CACNA1C: variants seen among roughly 807,000 people sequenced by gnomAD.
The protein encoded by CACNA1C is calcium voltage-gated channel subunit alpha1 C.
In CACNA1C, 30 loss-of-function variants were observed where a neutral mutation model predicts 229.0. The ratio of observed to expected loss-of-function variants is 0.13; its 90% CI spans 0.10 to 0.18. The LOEUF is 0.18. Among genes scored for constraint, CACNA1C ranks in the 10% least tolerant of loss-of-function variants. The pLI, the probability that CACNA1C is intolerant of heterozygous loss-of-function variation, is 1.00. For missense variants in CACNA1C, 1,658 were observed against 2,845.0 expected (o/e 0.58, Z 9.49); for synonymous variants, 1,114 against 1,132.5 (o/e 0.98, Z 0.33).
At chr12:2,637,224 C>G (rs2092860039) in intron 30 of CACNA1C, among the ~76,000 whole-genome samples, 1 of 152,180 alleles carries the variant, frequency 6.6e-6, no homozygotes, top group Non-Finnish European at 1.5e-5. Context: ...GTGGTATTTA[C>G]AGCAGTGTGT....
chr12:2,352,732 G>A (rs932798065), intron 3 of CACNA1C, among the ~76,000 whole-genome samples: 1 of 152,066 alleles, frequency 6.6e-6, no homozygotes, highest in Admixed American at 6.5e-5. Context: ...TTACTTGTTG[G>A]GGGAAATAGA....
chr12:2,618,158 C>T (rs561111805), intron 29 of CACNA1C, among the ~76,000 whole-genome samples: 1 of 152,176 alleles, frequency 6.6e-6, no homozygotes, highest in Non-Finnish European at 1.5e-5. Context: ...AGGAAAGGGA[C>T]CAGATTCTGA....
chr12:2,318,440 C>T (rs2095805158), intron 3 of CACNA1C, among the ~76,000 whole-genome samples: 1 of 152,252 alleles, frequency 6.6e-6, no homozygotes, highest in South Asian at 2.1e-4. Context: ...TAAAATCAAT[C>T]CCAGTGGTGG....
rs140328978 is a variant in CACNA1C, at chr12:2,117,321, A to G, written c.371+1776A>G. ...TGTTTGAGCCCCTCAACTTAAAAGT[A>G]TTTTAAGAAAATGCATTTTAAAACA... On this transcript the variant is annotated intron_variant, in intron 2 of 46. Transcript: ENST00000399655. 2.0e-3 allele frequency among the ~76,000 whole-genome samples: 300 copies of G among 152,174 alleles called. 1 individual carries two copies. The highest frequency in any genetic ancestry group is 3.5e-3 in the Non-Finnish European group (236 of 68,032).
At chr12:2,276,079 A>G (rs180949249) in intron 3 of CACNA1C, among the ~76,000 whole-genome samples, 2 of 137,336 alleles carry the variant, frequency 1.5e-5, no homozygotes, top group African/African-American at 2.8e-5. Context: ...TTTTTTAATG[A>G]TTTTTTTTTC....
exon 1 of CACNA1C, chr12:1,970,958 A>C: frequency 1.8e-6 from 1 of 540,860 alleles, no homozygotes; most frequent in Non-Finnish European, 2.8e-6. Context: ...CTGAAATGTT[A>C]CTGCAGGAAT....
intron 3 of CACNA1C, among the ~76,000 whole-genome samples, chr12:2,216,548 C>T (rs1055649531): frequency 3.3e-5 from 5 of 152,178 alleles, no homozygotes; most frequent in African/African-American, 7.2e-5. Flanking sequence ...ACTCATAAGG[C>T]AGAGTTTTCT....
intron 3 of CACNA1C, among the ~76,000 whole-genome samples, chr12:2,198,108 G>A (rs1044042816): frequency 7.9e-5 from 12 of 152,200 alleles, no homozygotes; most frequent in Non-Finnish European, 1.2e-4. Flanking sequence ...GAGGACACCC[G>A]CCCTGGCTGG....
intron 1 of CACNA1C, among the ~76,000 whole-genome samples, chr12:2,104,924 G>T (rs1369593159): frequency 6.6e-6 from 1 of 152,172 alleles, no homozygotes; most frequent in Non-Finnish European, 1.5e-5. Context: ...GAAGGCCGTG[G>T]CTTAGCTGTG....
At position 2,640,312 on chromosome 12, in the gene CACNA1C, A is replaced by G. The variant is rs191746581; in HGVS notation, c.3912+5932A>G. Among the ~76,000 whole-genome samples the G allele has an allele frequency of 4.6e-5, 7 of 152,306 alleles. No individual in the cohort carries two copies. The East Asian group carries it at 1.4e-3, about 29-fold the overall frequency. On this transcript the variant is annotated intron_variant, in intron 30 of 46. Coordinates refer to ENST00000399655, the MANE Select transcript of CACNA1C (RefSeq NM_000719.7). ...ATCCCTGGGCCAGGCTGGCCTGGGC[A>G]TCACTGAAGGGCAGGGCCCAGTGGC...
At chr12:2,005,432 A>T (rs1260755314) in intron 1 of CACNA1C, among the ~76,000 whole-genome samples, 1 of 152,224 alleles carries the variant, frequency 6.6e-6, no homozygotes, top group African/African-American at 2.4e-5. Context: ...GCAAACTATG[A>T]TTATTCAAAC....
intron 3 of CACNA1C, among the ~76,000 whole-genome samples, chr12:2,441,065 G>T (rs1437451393): frequency 1.3e-5 from 2 of 152,222 alleles, no homozygotes; most frequent in African/African-American, 4.8e-5. Flanking sequence ...ACAGCGTGCT[G>T]CTTGAGGTGT....
At chr12:2,218,096 C>T (rs1012623665) in intron 3 of CACNA1C, among the ~76,000 whole-genome samples, 2 of 152,200 alleles carry the variant, frequency 1.3e-5, no homozygotes, top group Non-Finnish European at 2.9e-5. Context: ...GATTCTTTCT[C>T]GGTCTCTGTT....
intron 9 of CACNA1C, among the ~76,000 whole-genome samples, chr12:2,540,477 CT>C (rs1320347882): frequency 3.3e-5 from 5 of 152,036 alleles, no homozygotes; most frequent in African/African-American, 4.8e-5. Context: ...GGTCAGCTAA[CT>C]TTTTCTAGAA....
At chr12:2,676,228 G>T (rs2153779095) in intron 39 of CACNA1C, 1 of 152,298 alleles carries the variant, frequency 6.6e-6, no homozygotes, top group African/African-American at 2.4e-5. Context: ...AGGGGACCCT[G>T]GGTTTTTCCC....
In CACNA1C at chr12:2,493,441, T is replaced by C; in HGVS notation, c.1113+55T>C. Reference sequence around the variant, plus strand: ...TGGGGGAACAGCGGCCGTGAACCCTTCCCTGACACCTCCCTTTCTCCTCCT... The same window carrying C: ...TGGGGGAACAGCGGCCGTGAACCCTCCCCTGACACCTCCCTTTCTCCTCCT... On this transcript the variant is annotated intron_variant, in intron 7 of 46. Transcript: ENST00000399655. The surrounding 1 kb of genome is among the most constrained non-coding windows in gnomAD (Gnocchi z 4.6). 1 of 1,325,518 alleles carries C rather than the reference T, an allele frequency of 7.5e-7. No individual in the cohort carries two copies. Among genetic ancestry groups the C allele is most frequent in the Non-Finnish European group, 1.1e-6 (1 of 922,048 alleles). The allele number at this position is 1,325,518 out of a possible 1,614,324, so 82.1% of individuals were successfully genotyped here.
chr12:2,031,768 G>C (rs2048261907), intron 1 of CACNA1C, among the ~76,000 whole-genome samples: 1 of 152,182 alleles, frequency 6.6e-6, no homozygotes, highest in Middle Eastern at 3.2e-3. Flanking sequence ...TTTGAATGTA[G>C]ATGGCTCAGT....
At chr12:2,208,341 A>G (rs962148883) in intron 3 of CACNA1C, among the ~76,000 whole-genome samples, 3 of 152,260 alleles carry the variant, frequency 2.0e-5, no homozygotes, top group Admixed American at 6.5e-5. Context: ...CGCACTGCTC[A>G]GAGAGGGGAG....
chr12:2,344,669 C>T (rs1216304231), intron 3 of CACNA1C, among the ~76,000 whole-genome samples: 3 of 152,124 alleles, frequency 2.0e-5, no homozygotes, highest in Non-Finnish European at 4.4e-5. Flanking sequence ...GCACACCTCA[C>T]TCCCAGATGA....
Sources: allele counts gnomAD v4.1 joint callset (sites outside exome capture counted in the v4.1 genomes callset), GRCh38; gene constraint gnomAD v4.1.1; non-coding constraint Gnocchi (gnomAD v3.1); transcripts MANE v1.5; gene names NCBI Gene and HGNC (gene_info 2026-07-23, HGNC 2026-07-21).